Variants in SLC44A5 observed in about 807,000 individuals in gnomAD.
SLC44A5 encodes the protein solute carrier family 44 member 5, also known as choline transporter-like protein 5.
Under a neutral mutation model 101.8 loss-of-function variants are expected in SLC44A5, and 57 were observed. The observed-to-expected ratio is 0.56, with a 90% confidence interval of 0.45 to 0.70. The LOEUF is 0.70. SLC44A5 is among the 30% of genes least tolerant of loss of function. The pLI, the probability that SLC44A5 is intolerant of heterozygous loss-of-function variation, is 0.00. For missense variants in SLC44A5, 737 were observed against 853.1 expected (o/e 0.86, Z 1.70); for synonymous variants, 281 against 290.9 (o/e 0.97, Z 0.35).
At chr1:75,268,644 CTT>C (rs1237264822) in intron 6 of SLC44A5, among the ~76,000 whole-genome samples, 1 of 152,156 alleles carries the variant, frequency 6.6e-6, no homozygotes, top group African/African-American at 2.4e-5. Context: ...TCCGTTCAGA[CTT>C]TTTTCTTGCA....
At chr1:75,419,734 T>C (rs963797560) in intron 2 of SLC44A5, among the ~76,000 whole-genome samples, 10 of 152,190 alleles carry the variant, frequency 6.6e-5, no homozygotes, top group Admixed American at 6.5e-4. Flanking sequence ...TTTTAATCTC[T>C]TCAAATCCTA....
At chr1:75,340,758 G>A (rs1202341995) in intron 3 of SLC44A5, among the ~76,000 whole-genome samples, 2 of 152,152 alleles carry the variant, frequency 1.3e-5, no homozygotes, top group Non-Finnish European at 2.9e-5. Context: ...TCAATCCCAG[G>A]AATTTAGAAT....
Position 75,608,572 on chromosome 1 carries a change from A to G in SLC44A5, c.-70+2468T>C, listed in dbSNP as rs186645209. On this transcript the variant is annotated intron_variant, in intron 1 of 23. Coordinates refer to ENST00000370859, the MANE Select transcript of SLC44A5 (RefSeq NM_001130058.2). ...AACTGGTGCCACATTTCCCCAGAGTAAAAACCAAAGTCTTAAAACTTTCTA... is the reference window on the plus strand; with the variant it reads ...AACTGGTGCCACATTTCCCCAGAGTGAAAACCAAAGTCTTAAAACTTTCTA... 2.8e-3 allele frequency among the ~76,000 whole-genome samples: 430 copies of G among 152,136 alleles called. 3 individuals are homozygous for G. The highest frequency in any genetic ancestry group is 6.8e-3 in the Middle Eastern group (2 of 292).
chr1:75,281,801 C>T (rs899498211), intron 5 of SLC44A5, among the ~76,000 whole-genome samples: 2 of 152,074 alleles, frequency 1.3e-5, no homozygotes, highest in Non-Finnish European at 2.9e-5. Flanking sequence ...TGTGGGTGCA[C>T]AGAAGACAAG....
chr1:75,231,103 ATTTG>A (rs1321319383), intron 12 of SLC44A5, among the ~76,000 whole-genome samples: 2 of 152,212 alleles, frequency 1.3e-5, no homozygotes, highest in Middle Eastern at 3.4e-3. Flanking sequence ...GGAGATTTAC[ATTTG>A]TTTATTTTGG....
At chr1:75,574,120 C>T (rs939727826) in intron 1 of SLC44A5, among the ~76,000 whole-genome samples, 2 of 152,252 alleles carry the variant, frequency 1.3e-5, no homozygotes, top group East Asian at 3.9e-4. Flanking sequence ...CCTTGAATTG[C>T]ACCTGGAAGC....
chr1:75,615,829 A>AG (rs1675855666), upstream of SLC44A5: 5 of 982,472 alleles, frequency 5.1e-6, no homozygotes, highest in Admixed American at 3.1e-4. Context: ...GGAGGCGGCG[A>AG]GGGGAGGAGG....
the SLC44A5 span, among the ~76,000 whole-genome samples, chr1:75,675,889 G>A: frequency 6.6e-6 from 1 of 152,014 alleles, no homozygotes; most frequent in African/African-American, 2.4e-5. Flanking sequence ...GTGGGCAAAG[G>A]ACATGAACAG....
chr1:75,437,334 T>G (rs1281506553), intron 2 of SLC44A5, among the ~76,000 whole-genome samples: 1 of 152,100 alleles, frequency 6.6e-6, no homozygotes, highest in South Asian at 2.1e-4. Context: ...GATAGGAATT[T>G]TTCAGTTCTT....
At chr1:75,448,174 C>G (rs1665693521) in intron 2 of SLC44A5, among the ~76,000 whole-genome samples, 1 of 152,118 alleles carries the variant, frequency 6.6e-6, no homozygotes, top group Admixed American at 6.5e-5. Flanking sequence ...TGCTCTATCA[C>G]AAATAAAAAA....
At chr1:75,357,061 C>T (rs1557697625) in intron 3 of SLC44A5, 1 of 396,666 alleles carries the variant, frequency 2.5e-6, no homozygotes, top group Admixed American at 2.9e-5. Context: ...CGTTGCATTT[C>T]CTATCTTTTT....
intron 13 of SLC44A5, among the ~76,000 whole-genome samples, chr1:75,225,593 C>A (rs1413434499): frequency 6.6e-6 from 1 of 152,132 alleles, no homozygotes; most frequent in Non-Finnish European, 1.5e-5. Flanking sequence ...ATAGAACCAT[C>A]TCCGAACACA....
intron 17 of SLC44A5, 63 bp from the exon 18 acceptor site, chr1:75,218,023 T>C: frequency 9.0e-7 from 1 of 1,106,468 alleles, no homozygotes; most frequent in Non-Finnish European, 1.4e-6. Context: ...GGATGCTAAT[T>C]GAATAATTTT....
At chr1:75,318,695 A>G (rs1655903700) in intron 4 of SLC44A5, among the ~76,000 whole-genome samples, 1 of 152,164 alleles carries the variant, frequency 6.6e-6, no homozygotes, top group Non-Finnish European at 1.5e-5. Flanking sequence ...CTGGCTTTCA[A>G]TGTGGAAGCA....
intron 1 of SLC44A5, among the ~76,000 whole-genome samples, chr1:75,606,533 A>T (rs1041307201): frequency 1.3e-5 from 2 of 151,688 alleles, no homozygotes; most frequent in African/African-American, 4.8e-5. Context: ...CAACTCCACA[A>T]CTCCCATCCC....
At chr1:75,480,908 A>C (rs1371000245) in intron 2 of SLC44A5, among the ~76,000 whole-genome samples, 1 of 152,200 alleles carries the variant, frequency 6.6e-6, no homozygotes, top group Admixed American at 6.5e-5. Context: ...AACTACTTTA[A>C]AGTTCATATG....
At chr1:75,682,192 C>T in the SLC44A5 span, among the ~76,000 whole-genome samples, 26 of 152,236 alleles carry the variant, frequency 1.7e-4, no homozygotes, top group South Asian at 8.3e-4. Context: ...AGGTAATTTA[C>T]GGATTCAATG....
the SLC44A5 span, among the ~76,000 whole-genome samples, chr1:75,621,923 C>T: frequency 6.6e-6 from 1 of 152,052 alleles, no homozygotes; most frequent in Non-Finnish European, 1.5e-5. Flanking sequence ...GGCGGAGAAA[C>T]TGAGGTTGGC....
chr1:75,442,258 G>A (rs1354587122), intron 2 of SLC44A5, among the ~76,000 whole-genome samples: 1 of 151,984 alleles, frequency 6.6e-6, no homozygotes, highest in Admixed American at 6.6e-5. Context: ...ATTTATAGCT[G>A]CTAAAGGAAA....
Sources: gnomAD v4.1 joint callset for allele counts (sites outside exome capture counted in the v4.1 genomes callset) on GRCh38, gnomAD v4.1.1 for gene constraint, MANE v1.5 for transcripts, NCBI Gene and HGNC (gene_info 2026-07-23, HGNC 2026-07-21) for gene names.